Variants in DAB2IP observed in about 807,000 individuals in gnomAD.
DAB2IP encodes the protein disabled homolog 2-interacting protein.
Under a neutral mutation model 107.2 loss-of-function variants are expected in DAB2IP, and 28 were observed. That is an observed-to-expected ratio of 0.26 (90% CI 0.19 to 0.36). The LOEUF is 0.36. Among genes scored for constraint, DAB2IP ranks in the 10% least tolerant of loss-of-function variants. The pLI, the probability that DAB2IP is intolerant of heterozygous loss-of-function variation, is 1.00. For synonymous variants in DAB2IP, 755 were observed against 706.4 expected (o/e 1.07, Z -1.09); for missense variants, 1,400 against 1,644.7 (o/e 0.85, Z 2.57).
intron 1 of DAB2IP, among the ~76,000 whole-genome samples, chr9:121,629,025 C>G (rs1337388510): frequency 6.6e-6 from 1 of 152,208 alleles, no homozygotes; most frequent in Non-Finnish European, 1.5e-5. Context: ...AACCCAATCA[C>G]TTGCGCCTGG....
At chr9:121,571,349 G>T (rs1829936972) in intron 1 of DAB2IP, among the ~76,000 whole-genome samples, 1 of 152,194 alleles carries the variant, frequency 6.6e-6, no homozygotes, top group African/African-American at 2.4e-5. Context: ...ACAAATGCTT[G>T]TTGAATGAGT....
intron 1 of DAB2IP, among the ~76,000 whole-genome samples, chr9:121,618,015 T>G (rs1831338943): frequency 6.6e-6 from 1 of 152,198 alleles, no homozygotes; most frequent in Non-Finnish European, 1.5e-5. Context: ...TGGGATCACC[T>G]TTTGTGGCCA....
intron 2 of DAB2IP, among the ~76,000 whole-genome samples, chr9:121,689,909 G>C (rs1829077706): frequency 6.6e-6 from 1 of 152,222 alleles, no homozygotes; most frequent in African/African-American, 2.4e-5. Context: ...GCCTCAGTCT[G>C]GTAATGGAAT....
chr9:121,693,387 A>G (rs1829258184), intron 2 of DAB2IP, among the ~76,000 whole-genome samples: 1 of 152,004 alleles, frequency 6.6e-6, no homozygotes, highest in Admixed American at 6.6e-5. Context: ...TCATGCACCC[A>G]GCATCTCTCC....
Position 121,613,791 on chromosome 9 carries a change from T to A in DAB2IP, c.40+46563T>A, listed in dbSNP as rs139420136. Among the ~76,000 whole-genome samples, 112 of 152,318 alleles carry A rather than the reference T, an allele frequency of 7.4e-4. 1 individual carries two copies. The South Asian group carries it at 0.015, about 20-fold the overall frequency. On this transcript the variant is annotated intron_variant, in intron 1 of 16. Coordinates refer to the DAB2IP transcript ENST00000259371. Reference sequence around the variant, plus strand: ...GTGCTGGGATAGTTGAAAAGACTCCTTTTAAATATTCAGAACAAATGACCT... The same window carrying A: ...GTGCTGGGATAGTTGAAAAGACTCCATTTAAATATTCAGAACAAATGACCT...
intron 2 of DAB2IP, among the ~76,000 whole-genome samples, chr9:121,683,934 G>A (rs1340916750): frequency 6.6e-6 from 1 of 152,178 alleles, no homozygotes; most frequent in African/African-American, 2.4e-5. Context: ...AGGGCCTGGA[G>A]AGAAGAGTGA....
intron 3 of DAB2IP, among the ~76,000 whole-genome samples, chr9:121,750,598 T>G (rs953716752): frequency 1.3e-5 from 2 of 152,158 alleles, no homozygotes; most frequent in Non-Finnish European, 2.9e-5. Flanking sequence ...CCTCTGAGCT[T>G]TCGAGATTTG....
At chr9:121,705,144 A>G (rs953721724) in intron 3 of DAB2IP, among the ~76,000 whole-genome samples, 2 of 152,194 alleles carry the variant, frequency 1.3e-5, no homozygotes, top group African/African-American at 4.8e-5. Context: ...GAGCTGGGCA[A>G]TGTTTTTAGG....
At chr9:121,668,560 T>C (rs1833543519) in intron 1 of DAB2IP, among the ~76,000 whole-genome samples, 1 of 152,136 alleles carries the variant, frequency 6.6e-6, no homozygotes, top group Non-Finnish European at 1.5e-5. Flanking sequence ...TTAATTTGTT[T>C]TGTTTTGTTT....
chr9:121,599,634 T>C lies in DAB2IP; in HGVS notation c.40+32406T>C, dbSNP rs907149788. On this transcript the variant is annotated intron_variant, in intron 1 of 16. Coordinates refer to the DAB2IP transcript ENST00000259371. The surrounding 1 kb of genome is among the most constrained non-coding windows in gnomAD (Gnocchi z 6.9). ...CCCGCCCCGCTCCACTCGGCCCAGC[T>C]GGCGCGAAGGAAACTTTCCTGCAGC... 1.3e-5 allele frequency among the ~76,000 whole-genome samples: 2 copies of C among 152,094 alleles called. No individual in the cohort carries two copies.
chr9:121,698,487 A>G lies in DAB2IP; in HGVS notation c.229-838A>G, dbSNP rs571390800. Among the ~76,000 whole-genome samples, 27 of 152,352 alleles carry G rather than the reference A, an allele frequency of 1.8e-4. No individual in the cohort carries two copies. The highest frequency in any genetic ancestry group is 1.3e-4 in the Admixed American group (2 of 15,312). On this transcript the variant is annotated intron_variant, in intron 2 of 15. Transcript: ENST00000408936. The surrounding 1 kb of genome is among the most constrained non-coding windows in gnomAD (Gnocchi z 4.1). Reference sequence around the variant, plus strand: ...AGTCAGTGCAACCTGTTAGGTGGATAAATGGCGTGAATAAGGTTCCCCAAA... The same window carrying G: ...AGTCAGTGCAACCTGTTAGGTGGATGAATGGCGTGAATAAGGTTCCCCAAA...
chr9:121,737,224 C>G, intron 3 of DAB2IP: 1 of 985,402 alleles, frequency 1.0e-6, no homozygotes, highest in South Asian at 4.7e-5. Flanking sequence ...GGGCGACTTG[C>G]CATGGCTGGA....
intron 1 of DAB2IP, among the ~76,000 whole-genome samples, chr9:121,618,400 G>T (rs944032781): frequency 2.0e-5 from 3 of 151,142 alleles, no homozygotes; most frequent in African/African-American, 4.9e-5. Flanking sequence ...TCACTCTGTT[G>T]TCCAGGCTGG....
At chr9:121,732,038 C>T (rs1240931881) in intron 3 of DAB2IP, among the ~76,000 whole-genome samples, 2 of 152,108 alleles carry the variant, frequency 1.3e-5, no homozygotes, top group Non-Finnish European at 2.9e-5. Context: ...TGGCACTGGA[C>T]TCTCTGGGGG....
chr9:121,598,600 T>C (rs1830582215), intron 1 of DAB2IP: 1 of 152,234 alleles, frequency 6.6e-6, no homozygotes, highest in African/African-American at 2.4e-5. Context: ...GCCTGCGCGC[T>C]CTGCGAGGAC....
chr9:121,602,462 T>A (rs2118955852), intron 1 of DAB2IP, among the ~76,000 whole-genome samples: 1 of 152,248 alleles, frequency 6.6e-6, no homozygotes, highest in South Asian at 2.1e-4. Flanking sequence ...GGTACTATCA[T>A]AGCTCACTAA....
intron 3 of DAB2IP, among the ~76,000 whole-genome samples, chr9:121,746,474 C>T (rs1292660145): frequency 3.3e-5 from 5 of 152,172 alleles, no homozygotes; most frequent in Admixed American, 6.5e-5. Context: ...TGGGGCTCTG[C>T]GGACAAATGG....
At chr9:121,615,224 A>T (rs1321494608) in intron 1 of DAB2IP, among the ~76,000 whole-genome samples, 1 of 152,208 alleles carries the variant, frequency 6.6e-6, no homozygotes, top group African/African-American at 2.4e-5. Flanking sequence ...AAGGCTGCTG[A>T]ATACTTTATG....
At chr9:121,575,810 G>A (rs1300212013) in intron 1 of DAB2IP, among the ~76,000 whole-genome samples, 2 of 152,180 alleles carry the variant, frequency 1.3e-5, no homozygotes, top group African/African-American at 2.4e-5. Context: ...AGCCAGAGCT[G>A]TGGTCCTCCC....
Sources: gnomAD v4.1 joint callset for allele counts (sites outside exome capture counted in the v4.1 genomes callset) on GRCh38, gnomAD v4.1.1 for gene constraint, Gnocchi (gnomAD v3.1) non-coding constraint, MANE v1.5 for transcripts, NCBI Gene and HGNC (gene_info 2026-07-23, HGNC 2026-07-21) for gene names.